KSR2: variants seen among roughly 807,000 people sequenced by gnomAD.
KSR2 encodes kinase suppressor of ras 2.
KSR2 carries 25 observed loss-of-function variants against 107.8 expected under a neutral mutation model. The observed-to-expected ratio is 0.23, with a 90% CI of 0.17 to 0.32. The LOEUF is 0.32. Ranked by LOEUF, KSR2 falls within the 10% of genes least tolerant of loss-of-function variation. The pLI is 1.00. For synonymous variants in KSR2, 480 were observed against 507.0 expected (o/e 0.95, Z 0.71); for missense variants, 887 against 1,268.9 (o/e 0.70, Z 4.57).
At chr12:117,688,808 C>T (rs562989241) in intron 4 of KSR2, among the ~76,000 whole-genome samples, 66 of 152,260 alleles carry the variant, frequency 4.3e-4, no homozygotes, top group African/African-American at 1.5e-3. Context: ...GTTTGGAGGA[C>T]GACTCAGATT....
chr12:117,648,599 A>C (rs1206171653), intron 5 of KSR2, among the ~76,000 whole-genome samples: 1 of 152,224 alleles, frequency 6.6e-6, no homozygotes, highest in African/African-American at 2.4e-5. Context: ...ATAATCCTTA[A>C]CATTTCATTT....
At chr12:117,662,064 G>A (rs528072505) in intron 5 of KSR2, among the ~76,000 whole-genome samples, 1 of 152,294 alleles carries the variant, frequency 6.6e-6, no homozygotes, top group South Asian at 2.1e-4. Flanking sequence ...AGGCAACGTG[G>A]AACCTCCTGT....
chr12:117,662,148 G>C (rs7294572), intron 5 of KSR2, among the ~76,000 whole-genome samples: 13,707 of 152,138 alleles, frequency 0.09, 658 homozygotes, highest in Middle Eastern at 0.14. Flanking sequence ...GAAGTCCTTT[G>C]GGTAACTCCA....
chr12:117,760,990 G>C, intron 4 of KSR2, 21 bp downstream of exon 4: 1 of 1,612,320 alleles, frequency 6.2e-7, no homozygotes, highest in Non-Finnish European at 8.5e-7. Context: ...CCGCCCCAGG[G>C]CACCCACCGA....
intron 1 of KSR2, among the ~76,000 whole-genome samples, chr12:117,950,448 G>A (rs963397128): frequency 7.9e-5 from 12 of 152,030 alleles, no homozygotes; most frequent in African/African-American, 2.9e-4. Flanking sequence ...TTACATAAAT[G>A]TTGAGGCCAA....
chr12:117,900,559 T>C (rs1162929198), intron 1 of KSR2, among the ~76,000 whole-genome samples: 4 of 149,454 alleles, frequency 2.7e-5, no homozygotes, highest in African/African-American at 7.4e-5. Context: ...CTAGAGACTT[T>C]ATATATATAT....
rs1336798824 is a variant in KSR2, at chr12:117,882,736, A to T, written c.181-22305T>A. On this transcript the variant is annotated intron_variant, in intron 1 of 19. Transcript: ENST00000339824. Reference sequence around the variant, plus strand: ...ATCCATCCATCCAACCACCCACCCAACCACCCATCCATCCATCCATCCAAC... The same window carrying T: ...ATCCATCCATCCAACCACCCACCCATCCACCCATCCATCCATCCATCCAAC... Among the ~76,000 whole-genome samples, 7 of 143,770 alleles carry T rather than the reference A, an allele frequency of 4.9e-5. No homozygotes were observed. In the East Asian group the frequency reaches 1.2e-3, roughly 26 times the overall value. The allele number at this position is 143,770 out of a possible 152,430, so 94.3% of individuals were successfully genotyped here.
intron 5 of KSR2, among the ~76,000 whole-genome samples, chr12:117,584,174 C>G (rs544922078): frequency 6.6e-6 from 1 of 152,164 alleles, no homozygotes; most frequent in African/African-American, 2.4e-5. Flanking sequence ...AATTATAGCC[C>G]GTGGGATTCC....
chr12:117,787,456 A>G (rs1890117774), intron 3 of KSR2, among the ~76,000 whole-genome samples: 1 of 152,100 alleles, frequency 6.6e-6, no homozygotes, highest in Admixed American at 6.6e-5. Context: ...AAGATGGTGA[A>G]ACTCCGCCTC....
At chr12:117,507,697 C>G (rs958472684) in intron 14 of KSR2, among the ~76,000 whole-genome samples, 1 of 152,150 alleles carries the variant, frequency 6.6e-6, no homozygotes, top group Non-Finnish European at 1.5e-5. Context: ...ACCTACCCCC[C>G]TGCGATCTTG....
intron 4 of KSR2, among the ~76,000 whole-genome samples, chr12:117,675,159 AT>A (rs1462897364): frequency 6.6e-6 from 1 of 152,172 alleles, no homozygotes; most frequent in Non-Finnish European, 1.5e-5. Flanking sequence ...GGAATTCTGC[AT>A]TTACTTATGT....
intron 5 of KSR2, among the ~76,000 whole-genome samples, chr12:117,583,933 C>G (rs1879844661): frequency 6.6e-6 from 1 of 152,206 alleles, no homozygotes; most frequent in Admixed American, 6.5e-5. Flanking sequence ...TGGAGTGGCA[C>G]TCTCTTCGGG....
intron 3 of KSR2, among the ~76,000 whole-genome samples, chr12:117,818,860 A>G (rs1891466472): frequency 6.6e-6 from 1 of 152,280 alleles, no homozygotes; most frequent in Non-Finnish European, 1.5e-5. Context: ...ACGTGGCCAA[A>G]GCAACTCATA....
intron 3 of KSR2, among the ~76,000 whole-genome samples, chr12:117,795,799 C>T (rs1487979160): frequency 6.6e-6 from 1 of 152,100 alleles, no homozygotes; most frequent in Non-Finnish European, 1.5e-5. Flanking sequence ...TTTGTAGAGA[C>T]AGGGTCTCAC....
intron 5 of KSR2, among the ~76,000 whole-genome samples, chr12:117,655,323 G>C (rs547105293): frequency 2.0e-5 from 3 of 152,276 alleles, no homozygotes; most frequent in African/African-American, 7.2e-5. Context: ...CATGCTCATG[G>C]AATTCACTGG....
Position 117,454,437 on chromosome 12 carries a change from G to A in KSR2, c.*12762C>T, listed in dbSNP as rs1870498454. ...ATATACCCTGGGAGTCTGGCGGTCA[G>A]CAAAGATGCTTTGTTTTCTGTCTTT... is the stretch of plus-strand genomic sequence containing the variant. On this transcript the variant is annotated 3_prime_UTR_variant, in exon 20 of 20. Transcript: ENST00000339824. 1 of 152,226 alleles carries A rather than the reference G, an allele frequency of 6.6e-6. No individual in the cohort carries two copies. The highest frequency in any genetic ancestry group is 1.5e-5 in the Non-Finnish European group (1 of 68,046). 9.4% of individuals were successfully genotyped at this position (152,226 alleles called of 1,614,324 possible).
intron 4 of KSR2, among the ~76,000 whole-genome samples, chr12:117,745,855 C>T (rs1888387514): frequency 6.6e-6 from 1 of 151,934 alleles, no homozygotes; most frequent in African/African-American, 2.4e-5. Context: ...AATAAAATAC[C>T]TAGGAATACA....
intron 3 of KSR2, among the ~76,000 whole-genome samples, chr12:117,788,251 C>T (rs1347310525): frequency 6.6e-6 from 1 of 152,210 alleles, no homozygotes; most frequent in African/African-American, 2.4e-5. Context: ...AGGTCAGCAA[C>T]TCCCTGTATC....
At chr12:117,893,318 G>C (rs1271489880) in intron 1 of KSR2, among the ~76,000 whole-genome samples, 1 of 152,034 alleles carries the variant, frequency 6.6e-6, no homozygotes, top group Admixed American at 6.6e-5. Context: ...TGCCCAGCGA[G>C]ACCATATATA....
Sources: allele counts gnomAD v4.1 joint callset (sites outside exome capture counted in the v4.1 genomes callset), GRCh38; gene constraint gnomAD v4.1.1; transcripts MANE v1.5; gene names NCBI Gene and HGNC (gene_info 2026-07-23, HGNC 2026-07-21).